The following MALT1 variants were observed in gnomAD, a reference collection of about 807,000 sequenced individuals.
MALT1 encodes mucosa-associated lymphoid tissue lymphoma translocation protein 1.
In MALT1, 36 loss-of-function variants were observed where a neutral mutation model predicts 85.5. That is an observed-to-expected ratio of 0.42 (90% CI 0.32 to 0.56). The LOEUF is 0.56. Among genes scored for constraint, MALT1 ranks in the 20% least tolerant of loss-of-function variants. The pLI is 0.10. For missense variants in MALT1, 716 were observed against 981.6 expected, an observed-to-expected ratio of 0.73 and a Z score of 3.62; for synonymous variants, 359 against 361.3, an observed-to-expected ratio of 0.99 and a Z score of 0.07.
chr18:58,739,007 TTC>T (rs767011307), intron 13 of MALT1, among the ~76,000 whole-genome samples: 12 of 152,188 alleles, frequency 7.9e-5, no homozygotes, highest in Non-Finnish European at 1.6e-4. Flanking sequence ...GTTAAGGAAG[TTC>T]TCTTAATTTT....
rs1325188738 is a variant in MALT1, at chr18:58,749,007, T to C, written c.*1165T>C. ...CTTATTAATACAAACACAAAAATCA[T>C]TAACAAAAATATTAGCAAACTGAAT... On this transcript the variant is annotated 3_prime_UTR_variant, in exon 17 of 17. Transcript: ENST00000649217. 4.3e-5 allele frequency: 9 copies of C among 209,436 alleles called. No individual in the cohort carries two copies. The highest frequency in any genetic ancestry group is 1.8e-4 in the Admixed American group (3 of 16,926). 13.0% of individuals were successfully genotyped at this position (209,436 alleles called of 1,614,324 possible). A position where few individuals can be genotyped will look rare whatever the true frequency, so the allele number is the denominator to read the frequency against.
intron 15 of MALT1, among the ~76,000 whole-genome samples, chr18:58,745,035 C>A (rs2144490057): frequency 6.6e-6 from 1 of 152,268 alleles, no homozygotes; most frequent in East Asian, 1.9e-4. Context: ...ACTTTGATTA[C>A]TGATAGAGGC....
At chr18:58,671,936 C>A in intron 1 of MALT1, 84 bp downstream of exon 1, 2 of 992,550 alleles carry the variant, frequency 2.0e-6, no homozygotes. Flanking sequence ...GTCGGTGGGG[C>A]TGAGCGCGGC....
chr18:58,736,773 T>C (rs1033064969), intron 13 of MALT1, among the ~76,000 whole-genome samples: 4 of 152,240 alleles, frequency 2.6e-5, no homozygotes, highest in African/African-American at 9.6e-5. Context: ...GACCCTGTAG[T>C]GTACATGGAG....
intron 2 of MALT1, among the ~76,000 whole-genome samples, chr18:58,681,766 A>G (rs1402254219): frequency 6.6e-6 from 1 of 152,196 alleles, no homozygotes; most frequent in East Asian, 1.9e-4. Context: ...AAGTATGACA[A>G]ATGTTTAAGT....
At chr18:58,718,250 AT>A (rs2054931231) in intron 9 of MALT1, among the ~76,000 whole-genome samples, 1 of 152,178 alleles carries the variant, frequency 6.6e-6, no homozygotes, top group South Asian at 2.1e-4. Flanking sequence ...ACATGTCCCA[AT>A]TGAAAGAATA....
chr18:58,717,736 ACT>A lies in MALT1; in HGVS notation c.1018+1772_1018+1773del, dbSNP rs1268142469. Among the ~76,000 whole-genome samples the A allele has an allele frequency of 1.3e-3, 166 of 129,822 alleles. 1 individual carries two copies. Among genetic ancestry groups the A allele is most frequent in the Non-Finnish European group, 2.3e-3 (143 of 62,794 alleles). The allele number at this position is 129,822 out of a possible 152,430, so 85.2% of individuals were successfully genotyped here. ...ACTCCAGCCTGGGCGACAGAGTAAG[ACT>A]CTTGTCTCAAAAAAAAAAAAAAAAA... On this transcript the variant is annotated intron_variant, in intron 9 of 16. Coordinates refer to ENST00000649217, the MANE Select transcript of MALT1 (RefSeq NM_006785.4).
chr18:58,684,852 TAAG>T (rs1243983216), intron 2 of MALT1, among the ~76,000 whole-genome samples: 3 of 152,198 alleles, frequency 2.0e-5, no homozygotes, highest in Non-Finnish European at 4.4e-5. Context: ...TTAATTATAT[TAAG>T]AAGATAAGCT....
At chr18:58,692,396 G>A (rs1248720550) in intron 2 of MALT1, among the ~76,000 whole-genome samples, 1 of 146,526 alleles carries the variant, frequency 6.8e-6, no homozygotes, top group Non-Finnish European at 1.5e-5. Flanking sequence ...CTGCTCCACC[G>A]ACTGGCCATT....
At chr18:58,672,791 A>G (rs776884353) in intron 1 of MALT1, 60 of 152,222 alleles carry the variant, frequency 3.9e-4, no homozygotes, top group Non-Finnish European at 7.8e-4. Context: ...GGATTCGTTT[A>G]TGTGCTTCTG....
Position 58,722,115 on chromosome 18 carries a change from T to A in MALT1, c.1019-933T>A, listed in dbSNP as rs75144279. 4.7e-3 allele frequency among the ~76,000 whole-genome samples: 675 copies of A among 144,018 alleles called. 4 individuals carry two copies. Among genetic ancestry groups the A allele is most frequent in the Non-Finnish European group, 8.2e-3 (551 of 67,090 alleles). 94.5% of individuals were successfully genotyped at this position (144,018 alleles called of 152,430 possible). ...GTTTTGGTGTGTTCTTTATTTTTTT[T>A]TTTTTATTTTTTTCTTCCCTTTGAT... On this transcript the variant is annotated intron_variant, in intron 9 of 16. Coordinates refer to ENST00000649217, the MANE Select transcript of MALT1 (RefSeq NM_006785.4).
rs1372540356 is a variant in MALT1, at chr18:58,752,374, T to C, written c.*4532T>C. Reference sequence around the variant, plus strand: ...TCCTTGAACATTCACCTGACGCTTATATACTGTCATTACTTTTATCTGTCA... The same window carrying C: ...TCCTTGAACATTCACCTGACGCTTACATACTGTCATTACTTTTATCTGTCA... On this transcript the variant is annotated 3_prime_UTR_variant, in exon 17 of 17. Coordinates refer to ENST00000649217, the MANE Select transcript of MALT1 (RefSeq NM_006785.4). The C allele has an allele frequency of 2.6e-5, 4 of 152,214 alleles. No homozygotes were observed. Among genetic ancestry groups the C allele is most frequent in the Non-Finnish European group, 4.4e-5 (3 of 68,034 alleles). The allele number at this position is 152,214 out of a possible 1,614,324, so 9.4% of individuals were successfully genotyped here. A position where few individuals can be genotyped will look rare whatever the true frequency, so the allele number is the denominator to read the frequency against.
rs765073675 is a variant in MALT1 at position 58,709,364 on chromosome 18, T to A, written c.650-14T>A. On this transcript the variant is annotated splice_polypyrimidine_tract_variant and intron_variant, in intron 4 of 16. Transcript: ENST00000649217. ...TTTTTAACCTAGAGATTTTATTTTT[T>A]CTTTTAATTTAAGGAAGTGTTGATG... 2 of 1,521,990 alleles carry A rather than the reference T, an allele frequency of 1.3e-6. No individual in the cohort carries two copies. Among genetic ancestry groups the A allele is most frequent in the South Asian group, 2.6e-5 (2 of 77,560 alleles). The allele number at this position is 1,521,990 out of a possible 1,614,324, so 94.3% of individuals were successfully genotyped here.
At chr18:58,731,256 A>G (rs982429017) in intron 10 of MALT1, among the ~76,000 whole-genome samples, 1 of 152,076 alleles carries the variant, frequency 6.6e-6, no homozygotes, top group Non-Finnish European at 1.5e-5. Context: ...CCTGGCCGTC[A>G]TTAGTCTTTT....
chr18:58,707,191 CT>C (rs886673230), intron 4 of MALT1, among the ~76,000 whole-genome samples: 36 of 148,716 alleles, frequency 2.4e-4, no homozygotes, highest in Admixed American at 6.7e-4. Context: ...CCATTTGGCT[CT>C]TTTTTTTTTC....
chr18:58,698,895 C>T (rs555139746), intron 3 of MALT1, among the ~76,000 whole-genome samples: 4 of 152,236 alleles, frequency 2.6e-5, no homozygotes, highest in East Asian at 1.9e-4. Context: ...TCATTGTGAC[C>T]GTAAAGTCCC....
intron 2 of MALT1, chr18:58,691,084 G>A: frequency 4.2e-6 from 1 of 235,954 alleles, no homozygotes; most frequent in Non-Finnish European, 8.6e-6. Flanking sequence ...AGTGGAGCCG[G>A]CTGAGTGCCA....
chr18:58,739,654 A>C (rs2055274495), intron 13 of MALT1, among the ~76,000 whole-genome samples: 1 of 152,200 alleles, frequency 6.6e-6, no homozygotes, highest in South Asian at 2.1e-4. Context: ...ACAAGCATGG[A>C]GTTTGCTAGC....
intron 3 of MALT1, among the ~76,000 whole-genome samples, chr18:58,699,726 G>C (rs1004660055): frequency 1.3e-5 from 2 of 152,228 alleles, no homozygotes; most frequent in Admixed American, 6.5e-5. Flanking sequence ...GGGAGTTATT[G>C]TAATGAGGCA....
Sources: gnomAD v4.1 joint callset for allele counts (sites outside exome capture counted in the v4.1 genomes callset) on GRCh38, gnomAD v4.1.1 for gene constraint, MANE v1.5 for transcripts, NCBI Gene and HGNC (gene_info 2026-07-23, HGNC 2026-07-21) for gene names.